The following PCNX2 variants were observed in gnomAD, a reference collection of about 807,000 sequenced individuals.
PCNX2 encodes pecanex-like protein 2.
In PCNX2, 168 loss-of-function variants were observed where a neutral mutation model predicts 223.8. That is an observed-to-expected ratio of 0.75 (90% CI 0.66 to 0.85). PCNX2 has a LOEUF of 0.85. Ranked by LOEUF, PCNX2 falls within the 40% of genes least tolerant of loss-of-function variation. The pLI is 0.00. For synonymous variants in PCNX2, 1,006 were observed against 1,052.6 expected, an observed-to-expected ratio of 0.96 and a Z score of 0.86; for missense variants, 2,507 against 2,675.5, an observed-to-expected ratio of 0.94 and a Z score of 1.39.
intron 5 of PCNX2, among the ~76,000 whole-genome samples, chr1:233,256,823 T>C (rs1336335857): frequency 6.6e-6 from 1 of 152,182 alleles, no homozygotes; most frequent in Non-Finnish European, 1.5e-5. Flanking sequence ...TTAAAAAGTT[T>C]AACTGAATCA....
At chr1:233,103,245 T>C (rs1488429626) in intron 21 of PCNX2, among the ~76,000 whole-genome samples, 3 of 152,176 alleles carry the variant, frequency 2.0e-5, no homozygotes, top group Non-Finnish European at 4.4e-5. Context: ...ATTGGGTATC[T>C]ATTCCCTCAA....
At chr1:233,197,061 A>G (rs1226833205) in intron 15 of PCNX2, among the ~76,000 whole-genome samples, 2 of 152,166 alleles carry the variant, frequency 1.3e-5, no homozygotes, top group Non-Finnish European at 2.9e-5. Context: ...ATTTGATTCC[A>G]AAGAAGCTTC....
At chr1:233,131,838 G>A (rs1377883047) in intron 21 of PCNX2, among the ~76,000 whole-genome samples, 1 of 152,072 alleles carries the variant, frequency 6.6e-6, no homozygotes, top group Non-Finnish European at 1.5e-5. Flanking sequence ...TGCCACTCTG[G>A]TTCTATCTGA....
At chr1:233,052,262 A>G (rs774094080) in intron 25 of PCNX2, among the ~76,000 whole-genome samples, 2 of 152,246 alleles carry the variant, frequency 1.3e-5, no homozygotes, top group Non-Finnish European at 2.9e-5. Context: ...TCATCCAAAG[A>G]ACCGAGATAA....
At chr1:233,152,096 A>G (rs1024052766) in intron 19 of PCNX2, among the ~76,000 whole-genome samples, 2 of 152,230 alleles carry the variant, frequency 1.3e-5, no homozygotes, top group African/African-American at 4.8e-5. Context: ...ACCAGAGGAG[A>G]TCAGCCAGAG....
chr1:233,258,341 C>T lies in PCNX2; in HGVS notation c.1521G>A (p.Gly507=). The T allele has an allele frequency of 1.2e-6, 2 of 1,614,034 alleles. No homozygotes were observed. Among genetic ancestry groups the T allele is most frequent in the Non-Finnish European group, 1.7e-6 (2 of 1,179,904 alleles). ...GGTCAAGGTTAGTCTGGCCTTCCTT[C>T]CCCACCTTAGACTCGGAGCCTGTAT... is the stretch of plus-strand genomic sequence containing the variant. The part of the protein sequence containing the change: ...TPDTGSESKV[G]KEGQTNLDPS... The change falls in exon 5 of 34, where the codon GGG becomes GGA. Residue 507 remains glycine, a synonymous_variant. Coordinates refer to ENST00000258229, the MANE Select transcript of PCNX2 (RefSeq NM_014801.4).
rs891993230 is a variant in PCNX2 at position 233,135,072 on chromosome 1, T to C, written c.3778A>G (p.Lys1260Glu). The C allele has an allele frequency of 1.2e-6, 2 of 1,612,786 alleles. No homozygotes were observed. Among genetic ancestry groups the C allele is most frequent in the Middle Eastern group, 1.6e-4 (1 of 6,062 alleles). The change falls in exon 21 of 34, where the codon AAA becomes GAA. Residue 1260 changes from lysine (K) to glutamate (E), a missense_variant. Lys to Glu is a moderately conservative substitution (Grantham distance 56, BLOSUM62 1). Coordinates refer to ENST00000258229, the MANE Select transcript of PCNX2 (RefSeq NM_014801.4). ...FTVIFFHFDY[K>E]DISESFLLDF... ...AGTAAGAAGCTCTCTGAAATATCTT[T>C]GTAGTCAAAGTGGAAAAAGATGACA...
chr1:233,008,186 G>A (rs1278171316), intron 28 of PCNX2, among the ~76,000 whole-genome samples: 2 of 152,156 alleles, frequency 1.3e-5, no homozygotes, highest in Non-Finnish European at 2.9e-5. Context: ...TATCCAAGAA[G>A]TTACTCCATT....
chr1:233,289,767 C>T (rs1661653688), intron 1 of PCNX2, among the ~76,000 whole-genome samples: 1 of 152,170 alleles, frequency 6.6e-6, no homozygotes, highest in South Asian at 2.1e-4. Flanking sequence ...GATAACAATG[C>T]TAGGACTGAC....
chr1:233,312,262 C>T, the PCNX2 span, among the ~76,000 whole-genome samples: 1 of 151,962 alleles, frequency 6.6e-6, no homozygotes, highest in Non-Finnish European at 1.5e-5. Context: ...ATGAAAAGGA[C>T]AAAACAAACA....
intron 8 of PCNX2, among the ~76,000 whole-genome samples, chr1:233,244,080 T>C (rs1181103811): frequency 6.6e-6 from 1 of 152,142 alleles, no homozygotes; most frequent in African/African-American, 2.4e-5. Flanking sequence ...CCGCCCGCCA[T>C]GGCCTCCCAA....
intron 19 of PCNX2, among the ~76,000 whole-genome samples, chr1:233,140,165 C>T (rs574925187): frequency 6.0e-5 from 9 of 148,964 alleles, no homozygotes; most frequent in African/African-American, 1.5e-4. Context: ...GTCATCTTAG[C>T]GTAGTAAGGG....
intron 23 of PCNX2, among the ~76,000 whole-genome samples, chr1:233,073,912 A>G (rs930926532): frequency 6.6e-6 from 1 of 152,166 alleles, no homozygotes; most frequent in African/African-American, 2.4e-5. Flanking sequence ...GAACACCACC[A>G]TGTCTGGCCT....
Position 233,124,360 on chromosome 1 carries a change from AC to A in PCNX2, c.3837+10652del, listed in dbSNP as rs569192281. On this transcript the variant is annotated intron_variant, in intron 21 of 33. Transcript: ENST00000258229. ...TGACCTTACTGACAATTCCAGAATT[AC>A]GAAAAAGATCAATAAATCTGACAAG... 4.3e-4 allele frequency among the ~76,000 whole-genome samples: 66 copies of A among 152,368 alleles called. No homozygotes were observed. In the South Asian group the frequency reaches 0.014, roughly 32 times the overall value.
chr1:233,279,685 T>C (rs1394062655), intron 1 of PCNX2, among the ~76,000 whole-genome samples: 2 of 152,200 alleles, frequency 1.3e-5, no homozygotes, highest in Non-Finnish European at 2.9e-5. Context: ...CTAAATATTA[T>C]AACATGATTT....
chr1:233,028,514 T>C (rs796795686), intron 25 of PCNX2, among the ~76,000 whole-genome samples: 4 of 152,360 alleles, frequency 2.6e-5, no homozygotes, highest in African/African-American at 9.6e-5. Flanking sequence ...CATCTTGAAG[T>C]CTGATATTAA....
Position 233,242,913 on chromosome 1 carries a change from G to A in PCNX2, c.2223-5933C>T, listed in dbSNP as rs143724050. ...ACTCAAGTGGATTTATCCTCTGGCA[G>A]TTTTTCCTACTAGCAATTCTAAAGG... On this transcript the variant is annotated intron_variant, in intron 8 of 33. Coordinates refer to ENST00000258229, the MANE Select transcript of PCNX2 (RefSeq NM_014801.4). Among the ~76,000 whole-genome samples, 429 of 152,320 alleles carry A rather than the reference G, an allele frequency of 2.8e-3. 2 individuals carry two copies. The highest frequency in any genetic ancestry group is 0.01 in the African/African-American group (418 of 41,572).
At chr1:233,288,454 G>A (rs1197847259) in intron 1 of PCNX2, among the ~76,000 whole-genome samples, 1 of 152,038 alleles carries the variant, frequency 6.6e-6, no homozygotes, top group Non-Finnish European at 1.5e-5. Context: ...ATACCAGAAT[G>A]GAAAGAAAAA....
rs1287319533 is a variant in PCNX2, at chr1:233,179,046, C to T, written c.3176+20G>A. On this transcript the variant is annotated intron_variant, in intron 16 of 33. Coordinates refer to ENST00000258229, the MANE Select transcript of PCNX2 (RefSeq NM_014801.4). ...TGCCCCCAGCTCAGTGATGAGAGAGCACAGGCATAGACCACTCACATGAGT... is the reference window on the plus strand; with the variant it reads ...TGCCCCCAGCTCAGTGATGAGAGAGTACAGGCATAGACCACTCACATGAGT... 3.7e-6 allele frequency: 6 copies of T among 1,602,170 alleles called. No individual in the cohort carries two copies. Among genetic ancestry groups the T allele is most frequent in the African/African-American group, 1.3e-5 (1 of 74,718 alleles).
Sources: gnomAD v4.1 joint callset for allele counts (sites outside exome capture counted in the v4.1 genomes callset) on GRCh38, gnomAD v4.1.1 for gene constraint, MANE v1.5 for transcripts, NCBI Gene and HGNC (gene_info 2026-07-23, HGNC 2026-07-21) for gene names.